Variants in MIOS observed in about 807,000 individuals in gnomAD.
The protein encoded by MIOS is meiosis regulator for oocyte development, also known as GATOR2 complex protein MIOS.
In MIOS, 52 loss-of-function variants were observed where a neutral mutation model predicts 96.9. The ratio of observed to expected loss-of-function variants is 0.54; its 90% confidence interval spans 0.43 to 0.68. The LOEUF (loss-of-function observed/expected upper bound fraction) is 0.68, where lower values mean the gene tolerates loss of function less well. Among genes scored for constraint, MIOS ranks in the 30% least tolerant of loss-of-function variants. MIOS has a pLI of 0.00. For missense variants in MIOS, 1,005 were observed against 1,052.8 expected, an observed-to-expected ratio of 0.95 and a Z score of 0.63; for synonymous variants, 397 against 359.5, an observed-to-expected ratio of 1.10 and a Z score of -1.18.
chr7:7,572,905 A>G lies in MIOS; in HGVS notation c.430A>G (p.Ile144Val), dbSNP rs1783401971. 1.2e-6 allele frequency: 2 copies of G among 1,614,190 alleles called. No homozygotes were observed. The highest frequency in any genetic ancestry group is 1.1e-5 in the South Asian group (1 of 91,084). Residue 144 changes from isoleucine (I) to valine (V), a missense_variant, in exon 4 of 13, where the codon ATA becomes GTA. Ile to Val is a conservative substitution (Grantham distance 29). Coordinates refer to ENST00000340080, the MANE Select transcript of MIOS (RefSeq NM_019005.4). The surrounding 1 kb of genome is among the most constrained non-coding windows in gnomAD (Gnocchi z 4.8). ...GCACAGAGCTGACTTTTCAGTGCTA[A>G]TATGGGATATCTGCAGCAAATATAC... ...DKHRADFSVL[I>V]WDICSKYTPD...
intron 11 of MIOS, among the ~76,000 whole-genome samples, chr7:7,602,420 T>C (rs377596054): frequency 6.6e-6 from 1 of 152,124 alleles, no homozygotes; most frequent in African/African-American, 2.4e-5. Context: ...AGCATTCTTA[T>C]ACACCAATAA....
At chr7:7,587,991 A>G (rs1400930813) in intron 7 of MIOS, among the ~76,000 whole-genome samples, 5 of 152,200 alleles carry the variant, frequency 3.3e-5, no homozygotes, top group Non-Finnish European at 5.9e-5. Flanking sequence ...TTTAGCCACA[A>G]GAGTGTGTCT....
At chr7:7,575,582 A>G (rs1181184311) in intron 5 of MIOS, among the ~76,000 whole-genome samples, 1 of 152,190 alleles carries the variant, frequency 6.6e-6, no homozygotes, top group African/African-American at 2.4e-5. Context: ...GCTACAAAGA[A>G]TTAAACACCA....
chr7:7,595,219 A>G (rs544428002), intron 10 of MIOS, 87 bp downstream of exon 10: 1 of 1,394,472 alleles, frequency 7.2e-7, no homozygotes, highest in Admixed American at 2.2e-5. Flanking sequence ...TTTTGCTTAT[A>G]TTGAGTTCCC....
chr7:7,595,147 T>G lies in MIOS; in HGVS notation c.2196+15T>G, dbSNP rs201802676. 772 of 1,596,226 alleles carry G rather than the reference T, an allele frequency of 4.8e-4. No homozygotes were observed. The highest frequency in any genetic ancestry group is 6.2e-4 in the Non-Finnish European group (725 of 1,174,460). On this transcript the variant is annotated intron_variant, in intron 10 of 12. Transcript: ENST00000340080. ...CTTTAGCACAAGTAAGTACATTGTT[T>G]TGGAGAAAATCAAATTGTAACATGT...
At chr7:7,590,751 A>G (rs1225563389) in intron 9 of MIOS, among the ~76,000 whole-genome samples, 1 of 151,936 alleles carries the variant, frequency 6.6e-6, no homozygotes, top group Admixed American at 6.6e-5. Context: ...GTTGCTGTAG[A>G]TCTAACAATA....
At chr7:7,597,187 G>A (rs954056720) in intron 11 of MIOS, among the ~76,000 whole-genome samples, 46 of 151,754 alleles carry the variant, frequency 3.0e-4, no homozygotes, top group African/African-American at 1.1e-3. Context: ...TTAGCCGGGC[G>A]TGGTGGCACA....
At position 7,589,419 on chromosome 7, in the gene MIOS, C is replaced by T. The variant is rs768307389; in HGVS notation, c.1899C>T (p.Ile633=). Residue 633 remains isoleucine, a synonymous_variant, in exon 9 of 13, where the codon ATC becomes ATT. Coordinates refer to ENST00000340080, the MANE Select transcript of MIOS (RefSeq NM_019005.4). The stretch of plus-strand genomic sequence containing the variant: ...AAATTTTCCAGTTAAATAGATACAT[C>T]GAAAAGTTGACCAATGAAATGAAAG... ...FLSDTQLNRY[I]EKLTNEMKEA... 49 of 1,612,720 alleles carry T rather than the reference C, an allele frequency of 3.0e-5. 1 individual carries two copies. In the Admixed American group the frequency reaches 7.3e-4, roughly 24 times the overall value.
At position 7,573,214 on chromosome 7, in the gene MIOS, C is replaced by G; in HGVS notation, c.739C>G (p.Gln247Glu). The G allele has an allele frequency of 1.2e-6, 2 of 1,614,090 alleles. No homozygotes were observed. Among genetic ancestry groups the G allele is most frequent in the Non-Finnish European group, 1.7e-6 (2 of 1,179,976 alleles). Residue 247 changes from glutamine (Q) to glutamate (E), a missense_variant, in exon 4 of 13, where the codon CAG becomes GAG. Transcript: ENST00000340080. This position sits in a 1 kb window ranked among gnomAD's most constrained non-coding sequence, Gnocchi z 5.0. Reference protein sequence around the residue: ...HDRVASFYEGQVAIWDLRKFE... With the variant: ...HDRVASFYEGEVAIWDLRKFE... ...TCGTGTTGCTTCCTTCTATGAAGGT[C>G]AGGTTGCAATATGGGATCTTAGAAA...
At chr7:7,588,427 C>T in intron 7 of MIOS, 71 bp from the exon 8 acceptor site, 2 of 831,574 alleles carry the variant, frequency 2.4e-6, no homozygotes, top group Admixed American at 5.3e-5. Context: ...TTATATAAAA[C>T]ATTCAGTCTC....
chr7:7,585,575 A>C lies in MIOS; in HGVS notation c.1649-61A>C, dbSNP rs868529607. 8 of 1,391,140 alleles carry C rather than the reference A, an allele frequency of 5.8e-6. No individual in the cohort carries two copies. The Middle Eastern group carries it at 9.4e-4, about 164-fold the overall frequency. The allele number at this position is 1,391,140 out of a possible 1,614,324, so 86.2% of individuals were successfully genotyped here. ...TCTGATTTCTATTTATGGTTTAAGA[A>C]ATGTAGAAGAGATATTAAGCTTTTG... On this transcript the variant is annotated intron_variant, in intron 6 of 12. Coordinates refer to ENST00000340080, the MANE Select transcript of MIOS (RefSeq NM_019005.4).
At chr7:7,583,659 A>C (rs182522109) in intron 6 of MIOS, among the ~76,000 whole-genome samples, 130 of 152,146 alleles carry the variant, frequency 8.5e-4, no homozygotes, top group African/African-American at 2.8e-3. Flanking sequence ...TCTTAAAGAT[A>C]GTTCACATAA....
intron 3 of MIOS, among the ~76,000 whole-genome samples, chr7:7,570,087 A>C (rs1783300656): frequency 6.6e-6 from 1 of 152,198 alleles, no homozygotes; most frequent in Non-Finnish European, 1.5e-5. Context: ...GTATTCTATA[A>C]AGCAAAATTT....
At chr7:7,570,755 T>G (rs927762852) in intron 3 of MIOS, among the ~76,000 whole-genome samples, 2 of 152,118 alleles carry the variant, frequency 1.3e-5, no homozygotes, top group Non-Finnish European at 1.5e-5. Context: ...AAACTAATGC[T>G]GCTATTGATC....
intron 5 of MIOS, among the ~76,000 whole-genome samples, chr7:7,578,663 A>G (rs1001702878): frequency 1.3e-5 from 2 of 152,188 alleles, no homozygotes; most frequent in African/African-American, 2.4e-5. Flanking sequence ...TAGTAGCTAC[A>G]AAGAGCATAG....
intron 11 of MIOS, among the ~76,000 whole-genome samples, chr7:7,601,521 G>A (rs1660167487): frequency 6.6e-6 from 1 of 152,080 alleles, no homozygotes; most frequent in Non-Finnish European, 1.5e-5. Flanking sequence ...GACTAAACCA[G>A]GAAGAAGTTG....
rs1180833992 is a variant in MIOS, at chr7:7,607,023, A to G, written c.2559A>G (p.Ala853=). Residue 853 remains alanine (A), a synonymous_variant, in exon 13 of 13, where the codon GCA becomes GCG. Transcript: ENST00000340080. Reference sequence around the variant, plus strand: ...ACCATGCAGAGTGCCCTGTGTCGGCATGCACGTGTAAATGTATGCAGTTGG... The same window carrying G: ...ACCATGCAGAGTGCCCTGTGTCGGCGTGCACGTGTAAATGTATGCAGTTGG... ...FRDHAECPVS[A]CTCKCMQLDT... is the part of the protein sequence containing the mutation. 1.2e-6 allele frequency: 2 copies of G among 1,613,040 alleles called. No individual in the cohort carries two copies. Among genetic ancestry groups the G allele is most frequent in the Non-Finnish European group, 1.7e-6 (2 of 1,179,456 alleles).
intron 11 of MIOS, among the ~76,000 whole-genome samples, chr7:7,602,810 C>T (rs913993790): frequency 1.3e-5 from 2 of 152,082 alleles, no homozygotes; most frequent in African/African-American, 4.8e-5. Flanking sequence ...CACTACCTGA[C>T]TTCAAACTAT....
chr7:7,606,166 C>A, intron 12 of MIOS, 95 bp downstream of exon 12: 2 of 1,469,572 alleles, frequency 1.4e-6, no homozygotes, highest in East Asian at 2.3e-5. Context: ...AGCATTTAGC[C>A]AAAGTATGAA....
Sources: allele counts gnomAD v4.1 joint callset (sites outside exome capture counted in the v4.1 genomes callset), GRCh38; gene constraint gnomAD v4.1.1; non-coding constraint Gnocchi (gnomAD v3.1); transcripts MANE v1.5; gene names NCBI Gene and HGNC (gene_info 2026-07-23, HGNC 2026-07-21).